GRM1: variants seen among roughly 807,000 people sequenced by gnomAD.
The protein encoded by GRM1 is metabotropic glutamate receptor 1.
GRM1 carries 33 observed loss-of-function variants against 90.9 expected under a neutral mutation model. The ratio of observed to expected loss-of-function variants is 0.36; its 90% CI spans 0.28 to 0.49. The LOEUF is 0.49. Among genes scored for constraint, GRM1 ranks in the 20% least tolerant of loss-of-function variants. The pLI is 0.99. For missense variants in GRM1, 1,190 were observed against 1,534.3 expected (o/e 0.78, Z 3.75); for synonymous variants, 700 against 613.2 (o/e 1.14, Z -2.09).
chr6:146,107,753 C>G (rs1053522347), intron 1 of GRM1, among the ~76,000 whole-genome samples: 1 of 152,146 alleles, frequency 6.6e-6, no homozygotes, highest in African/African-American at 2.4e-5. Flanking sequence ...TTCCTATTCC[C>G]CTCATCTGAG....
At chr6:146,034,293 T>A (rs1306764576) in intron 1 of GRM1, among the ~76,000 whole-genome samples, 2 of 152,044 alleles carry the variant, frequency 1.3e-5, no homozygotes, top group Non-Finnish European at 2.9e-5. Context: ...ATGTGACATT[T>A]ATCATCAATG....
At chr6:146,339,879 C>T (rs1228255668) in intron 3 of GRM1, among the ~76,000 whole-genome samples, 4 of 152,160 alleles carry the variant, frequency 2.6e-5, no homozygotes, top group African/African-American at 9.7e-5. Flanking sequence ...CATAACATTC[C>T]ACTGTGGGAA....
chr6:146,109,557 G>C (rs1005966403), intron 1 of GRM1, among the ~76,000 whole-genome samples: 1 of 152,220 alleles, frequency 6.6e-6, no homozygotes, highest in Non-Finnish European at 1.5e-5. Flanking sequence ...ACCTCTGCTA[G>C]GGCAGCGCAG....
intron 1 of GRM1, among the ~76,000 whole-genome samples, chr6:146,100,581 T>TA (rs1381416878): frequency 6.6e-6 from 1 of 152,224 alleles, no homozygotes; most frequent in East Asian, 1.9e-4. Flanking sequence ...TTTCTGAACT[T>TA]AAAATATATT....
intron 2 of GRM1, among the ~76,000 whole-genome samples, chr6:146,231,053 A>T (rs1220860607): frequency 5.3e-5 from 8 of 152,158 alleles, no homozygotes; most frequent in Non-Finnish European, 2.9e-5. Flanking sequence ...GGGCAGTGAA[A>T]CTATTCTGTA....
intron 2 of GRM1, among the ~76,000 whole-genome samples, chr6:146,250,866 A>C (rs888394241): frequency 1.8e-4 from 27 of 152,248 alleles, no homozygotes; most frequent in African/African-American, 6.5e-4. Flanking sequence ...TAAATAAATC[A>C]GAACTATAAA....
At chr6:146,090,868 C>T (rs371695788) in intron 1 of GRM1, among the ~76,000 whole-genome samples, 1 of 152,024 alleles carries the variant, frequency 6.6e-6, no homozygotes, top group African/African-American at 2.4e-5. Context: ...AATCCCTGAA[C>T]CTTTAAGTTA....
intron 2 of GRM1, among the ~76,000 whole-genome samples, chr6:146,302,013 G>A (rs886227699): frequency 6.6e-6 from 1 of 152,062 alleles, no homozygotes; most frequent in African/African-American, 2.4e-5. Context: ...ATGGTCTTCA[G>A]ACTAACAGTG....
At chr6:146,173,017 G>A (rs751990268) in intron 2 of GRM1, among the ~76,000 whole-genome samples, 1 of 152,128 alleles carries the variant, frequency 6.6e-6, no homozygotes, top group African/African-American at 2.4e-5. Context: ...GACTGGCTGG[G>A]TAAAAGTCTG....
At chr6:146,305,688 A>T (rs1783554739) in intron 3 of GRM1, among the ~76,000 whole-genome samples, 1 of 152,304 alleles carries the variant, frequency 6.6e-6, no homozygotes, top group South Asian at 2.1e-4. Flanking sequence ...TCTATCCATG[A>T]CCTAATTTGT....
intron 1 of GRM1, among the ~76,000 whole-genome samples, chr6:146,117,882 T>C (rs943519381): frequency 2.0e-5 from 3 of 152,042 alleles, no homozygotes; most frequent in African/African-American, 7.2e-5. Flanking sequence ...ATTATAGATA[T>C]TTTACTTTGA....
intron 1 of GRM1, among the ~76,000 whole-genome samples, chr6:146,150,860 C>T (rs754287667): frequency 1.3e-5 from 2 of 151,776 alleles, no homozygotes; most frequent in Non-Finnish European, 2.9e-5. Context: ...CATTTCAATC[C>T]ATGTTGTTGC....
intron 7 of GRM1, among the ~76,000 whole-genome samples, chr6:146,427,151 C>A (rs1410337038): frequency 7.9e-5 from 12 of 151,978 alleles, no homozygotes; most frequent in Admixed American, 7.9e-4. Context: ...CTCCCACACC[C>A]TGGGGAGCAC....
intron 1 of GRM1, among the ~76,000 whole-genome samples, chr6:146,119,566 G>A (rs1029573712): frequency 3.1e-4 from 47 of 152,042 alleles, no homozygotes; most frequent in African/African-American, 1.1e-3. Context: ...GAGTTTTTAT[G>A]GTTTTAGGTC....
At chr6:146,084,635 C>T (rs969464554) in intron 1 of GRM1, among the ~76,000 whole-genome samples, 2 of 152,088 alleles carry the variant, frequency 1.3e-5, no homozygotes, top group African/African-American at 4.8e-5. Context: ...TTTGCATTTG[C>T]TAAGGAGTGT....
intron 1 of GRM1, among the ~76,000 whole-genome samples, chr6:146,116,853 A>G (rs1775767227): frequency 1.3e-5 from 2 of 151,974 alleles, no homozygotes; most frequent in South Asian, 4.1e-4. Flanking sequence ...TTTTTGTACC[A>G]TATAGAATTT....
At chr6:146,194,186 G>T (rs1300364095) in intron 2 of GRM1, among the ~76,000 whole-genome samples, 2 of 151,904 alleles carry the variant, frequency 1.3e-5, no homozygotes, top group Non-Finnish European at 2.9e-5. Context: ...CTTCTTTTAT[G>T]CACTTGCCTA....
chr6:146,222,045 AG>A (rs2114678632), intron 2 of GRM1, among the ~76,000 whole-genome samples: 1 of 152,240 alleles, frequency 6.6e-6, no homozygotes, highest in Admixed American at 6.6e-5. Flanking sequence ...AGAGAAACTC[AG>A]GTGTGTAACC....
At chr6:146,318,466 G>A (rs905761136) in intron 3 of GRM1, among the ~76,000 whole-genome samples, 8 of 152,144 alleles carry the variant, frequency 5.3e-5, no homozygotes, top group Non-Finnish European at 1.0e-4. Flanking sequence ...ATAAACATAC[G>A]TGTGCATGTG....
Sources: allele counts gnomAD v4.1 joint callset (sites outside exome capture counted in the v4.1 genomes callset), GRCh38; gene constraint gnomAD v4.1.1; transcripts MANE v1.5; gene names NCBI Gene and HGNC (gene_info 2026-07-23, HGNC 2026-07-21).